FTO: variants seen among roughly 807,000 people sequenced by gnomAD.
FTO encodes FTO alpha-ketoglutarate dependent dioxygenase.
In FTO, 47 loss-of-function variants were observed where a neutral mutation model predicts 63.9. The observed-to-expected ratio is 0.74, with a 90% CI of 0.58 to 0.94. The LOEUF (loss-of-function observed/expected upper bound fraction) is 0.94. Ranked by LOEUF, FTO falls within the 40% of genes least tolerant of loss-of-function variation. The pLI, the probability that FTO is intolerant of heterozygous loss-of-function variation, is 0.00. For missense variants in FTO, 562 were observed against 618.1 expected (o/e 0.91, Z 0.96); for synonymous variants, 207 against 224.4 (o/e 0.92, Z 0.69).
At chr16:53,958,115 C>T (rs2082972326) in intron 8 of FTO, among the ~76,000 whole-genome samples, 1 of 152,168 alleles carries the variant, frequency 6.6e-6, no homozygotes, top group Admixed American at 6.5e-5. Context: ...CAACTTTTCC[C>T]AAGTAGGTCA....
intron 1 of FTO, among the ~76,000 whole-genome samples, chr16:53,749,960 C>T (rs1200005802): frequency 1.3e-5 from 2 of 152,078 alleles, no homozygotes; most frequent in Non-Finnish European, 2.9e-5. Context: ...AATGGCAGAT[C>T]TAATTTAGGG....
At chr16:53,831,008 C>T (rs993671976) in intron 3 of FTO, among the ~76,000 whole-genome samples, 2 of 152,114 alleles carry the variant, frequency 1.3e-5, no homozygotes, top group South Asian at 2.1e-4. Context: ...AGAGACTTTG[C>T]AATAATGTTC....
chr16:54,066,920 G>A (rs2085745644), intron 8 of FTO, among the ~76,000 whole-genome samples: 1 of 152,216 alleles, frequency 6.6e-6, no homozygotes, highest in Non-Finnish European at 1.5e-5. Context: ...ATTTGCAAAG[G>A]TCAGGCTTTA....
chr16:54,014,421 C>G (rs542508202), intron 8 of FTO, among the ~76,000 whole-genome samples: 2 of 152,050 alleles, frequency 1.3e-5, no homozygotes, highest in Non-Finnish European at 2.9e-5. Flanking sequence ...CTTCCTTTCT[C>G]TCTCTCCGTG....
chr16:54,038,032 A>G (rs931081389), intron 8 of FTO, among the ~76,000 whole-genome samples: 2 of 152,208 alleles, frequency 1.3e-5, no homozygotes, highest in Non-Finnish European at 2.9e-5. Flanking sequence ...AGGAAGGTGA[A>G]CTTTCTCTAA....
intron 8 of FTO, among the ~76,000 whole-genome samples, chr16:54,087,262 T>C (rs565850539): frequency 1.3e-5 from 2 of 152,346 alleles, no homozygotes; most frequent in Non-Finnish European, 2.9e-5. Context: ...CCACTTTGCA[T>C]CTTTGTTGCT....
chr16:53,746,070 C>G (rs1022611549), intron 1 of FTO, among the ~76,000 whole-genome samples: 1 of 152,190 alleles, frequency 6.6e-6, no homozygotes, highest in Non-Finnish European at 1.5e-5. Context: ...TCAGTTTTCT[C>G]TATGCAACTC....
At chr16:53,778,509 G>A (rs1218824163) in intron 1 of FTO, among the ~76,000 whole-genome samples, 1 of 152,154 alleles carries the variant, frequency 6.6e-6, no homozygotes, top group Non-Finnish European at 1.5e-5. Flanking sequence ...TCCACACGGT[G>A]AAAAAAGCAA....
chr16:53,797,185 TACAC>T (rs1309531199), intron 1 of FTO, among the ~76,000 whole-genome samples: 4 of 152,214 alleles, frequency 2.6e-5, no homozygotes, highest in African/African-American at 9.7e-5. Context: ...CATGCTCTGT[TACAC>T]ACACTCCACT....
At chr16:53,920,300 G>A (rs762776259) in intron 7 of FTO, among the ~76,000 whole-genome samples, 1 of 139,412 alleles carries the variant, frequency 7.2e-6, no homozygotes, top group Non-Finnish European at 1.5e-5. Flanking sequence ...CTTGCCTGTG[G>A]CCAGCTTGGT....
At chr16:53,855,407 C>A (rs2079957089) in intron 4 of FTO, among the ~76,000 whole-genome samples, 2 of 152,190 alleles carry the variant, frequency 1.3e-5, no homozygotes, top group South Asian at 4.1e-4. Context: ...AAAAATTATA[C>A]CATATTTTAG....
chr16:53,847,609 A>G (rs2079664994), intron 4 of FTO, among the ~76,000 whole-genome samples: 1 of 151,960 alleles, frequency 6.6e-6, no homozygotes, highest in Non-Finnish European at 1.5e-5. Flanking sequence ...CACTACTAAA[A>G]ATACAAAAAT....
chr16:53,973,069 G>A lies in FTO; in HGVS notation c.1364+38960G>A, dbSNP rs553570120. On this transcript the variant is annotated intron_variant, in intron 8 of 8. Transcript: ENST00000471389. ...TCCATACAAAAATGCATTCTGGCTTGTTTGCATAAATATCACAGAAAAATA... is the reference window on the plus strand; with the variant it reads ...TCCATACAAAAATGCATTCTGGCTTATTTGCATAAATATCACAGAAAAATA... Among the ~76,000 whole-genome samples, 35 of 152,328 alleles carry A rather than the reference G, an allele frequency of 2.3e-4. No individual in the cohort carries two copies. In the South Asian group the frequency reaches 7.2e-3, roughly 32 times the overall value.
At chr16:53,739,831 A>G (rs2076489783) in intron 1 of FTO, among the ~76,000 whole-genome samples, 2 of 152,234 alleles carry the variant, frequency 1.3e-5, no homozygotes, top group South Asian at 4.2e-4. Flanking sequence ...GAGGATGCCT[A>G]TTTTTTAGTG....
At chr16:54,092,837 G>A (rs112270998) in intron 8 of FTO, among the ~76,000 whole-genome samples, 7 of 152,142 alleles carry the variant, frequency 4.6e-5, no homozygotes, top group African/African-American at 1.2e-4. Flanking sequence ...ATCAACCCTA[G>A]GTGAGACTGT....
At chr16:53,865,077 G>A (rs1220682143) in intron 4 of FTO, among the ~76,000 whole-genome samples, 1 of 152,106 alleles carries the variant, frequency 6.6e-6, no homozygotes, top group Non-Finnish European at 1.5e-5. Context: ...TTAAGGTGGT[G>A]ATTTTTCCCC....
At chr16:53,866,709 G>T (rs1485461466) in intron 4 of FTO, among the ~76,000 whole-genome samples, 1 of 152,070 alleles carries the variant, frequency 6.6e-6, no homozygotes. Context: ...GGGATCTGTA[G>T]TGATGTCATC....
At chr16:53,855,853 G>GA (rs1199171491) in intron 4 of FTO, among the ~76,000 whole-genome samples, 1 of 152,064 alleles carries the variant, frequency 6.6e-6, no homozygotes, top group East Asian at 1.9e-4. Flanking sequence ...TTTTTTATAA[G>GA]AAAACCATCA....
At chr16:53,911,631 C>CTGTA (rs1245639555) in intron 7 of FTO, 6 of 625,696 alleles carry the variant, frequency 9.6e-6, no homozygotes, top group Non-Finnish European at 1.7e-5. Context: ...AGGAAGTGCA[C>CTGTA]TGTAGCCAGA....
Sources: allele counts gnomAD v4.1 joint callset (sites outside exome capture counted in the v4.1 genomes callset), GRCh38; gene constraint gnomAD v4.1.1; transcripts MANE v1.5; gene names NCBI Gene and HGNC (gene_info 2026-07-23, HGNC 2026-07-21).